Variants in UGT2B17 observed in about 807,000 individuals in gnomAD.
The protein encoded by UGT2B17 is UDP glucuronosyltransferase family 2 member B17, also known as UDP-glucuronosyltransferase 2B17.
In UGT2B17, 21 loss-of-function variants were observed where a neutral mutation model predicts 48.2. That is an observed-to-expected ratio of 0.44 (90% CI 0.31 to 0.63). UGT2B17 has a LOEUF of 0.63. UGT2B17 is among the 20% of genes least tolerant of loss of function. The pLI, the probability that UGT2B17 is intolerant of heterozygous loss-of-function variation, is 0.08. For missense variants in UGT2B17, 402 were observed against 696.1 expected (o/e 0.58, Z 4.75); for synonymous variants, 146 against 238.4 (o/e 0.61, Z 3.57).
chr4:68,548,659 T>C (rs1233667957), intron 6 of UGT2B17, among the ~76,000 whole-genome samples: 3 of 124,840 alleles, frequency 2.4e-5, no homozygotes, highest in Non-Finnish European at 5.1e-5. Context: ...TCCATTTGTT[T>C]GTGTCCTCTC....
chr4:68,537,831 A>C lies in UGT2B17; in HGVS notation c.1387T>G (p.Phe463Val), dbSNP rs1418728898. 2.3e-5 allele frequency: 32 copies of C among 1,379,560 alleles called. 8 individuals carry two copies. The highest frequency in any genetic ancestry group is 3.3e-5 in the South Asian group (2 of 60,024). The allele number at this position is 1,379,560 out of a possible 1,614,324, so 85.5% of individuals were successfully genotyped here. A position where few individuals can be genotyped will look rare whatever the true frequency, so the allele number is the denominator to read the frequency against. The change falls in exon 7 of 7, where the codon TTC becomes GTC. Residue 463 changes from phenylalanine (F) to valine (V), a missense_variant. This residue lies in a region of UGT2B17 where 156 missense variants were observed against 258.6 expected (regional missense o/e 0.60). Transcript: ENST00000317746. ...TGGCGCATGACAAACTCAATCCAGA[A>C]GACTGCTCGATCCAGGGGCTTCACC... ...QPVKPLDRAV[F>V]WIEFVMRHKG...
intron 4 of UGT2B17, among the ~76,000 whole-genome samples, chr4:68,552,386 A>G (rs1730933231): frequency 7.9e-6 from 1 of 125,926 alleles, no homozygotes; most frequent in African/African-American, 2.7e-5. Context: ...CCATGCTTCA[A>G]GTTGCTCTGC....
In UGT2B17 at chr4:68,546,419, A is replaced by C. The variant is rs545889026; in HGVS notation, c.1313+4258T>G. On this transcript the variant is annotated intron_variant, in intron 6 of 6. Coordinates refer to ENST00000317746, the MANE Select transcript of UGT2B17 (RefSeq NM_001077.4). ...CTCAATAAATTAGGTATTGATGGGG[A>C]GTATCTCCAAATAATAAGAGTTATC... 1.6e-4 allele frequency among the ~76,000 whole-genome samples: 20 copies of C among 126,056 alleles called. 10 individuals carry two copies. In the East Asian group the frequency reaches 0.014, roughly 87 times the overall value. 82.7% of individuals were successfully genotyped at this position (126,056 alleles called of 152,430 possible).
chr4:68,550,957 A>G, intron 5 of UGT2B17, 61 bp from the exon 6 acceptor site: 4 of 1,233,206 alleles, frequency 3.2e-6, no homozygotes, highest in Non-Finnish European at 4.3e-6. Context: ...TGAATAAGAA[A>G]TGCACAATAT....
rs199693880 is a variant in UGT2B17 at position 68,564,273 on chromosome 4, CAT to C, written c.873+1297_873+1298del. 7.5e-5 allele frequency among the ~76,000 whole-genome samples: 7 copies of C among 93,396 alleles called. 2 individuals carry two copies. Among genetic ancestry groups the C allele is most frequent in the South Asian group, 5.9e-4 (1 of 1,708 alleles). 61.3% of individuals were successfully genotyped at this position (93,396 alleles called of 152,430 possible). ...TGTCCTTAATGGGTATATCAAATTT[CAT>C]ATATATATATATATATATATTTTTT... On this transcript the variant is annotated intron_variant, in intron 3 of 6. Coordinates refer to ENST00000317746, the MANE Select transcript of UGT2B17 (RefSeq NM_001077.4).
In UGT2B17 at chr4:68,537,792, G is replaced by T. The variant is rs1560573363; in HGVS notation, c.1426C>A (p.His476Asn). The change falls in exon 7 of 7, where the codon CAC becomes AAC. Residue 476 changes from histidine (H) to asparagine (N), a missense_variant. Transcript: ENST00000317746. The part of the protein sequence containing the change: ...EFVMRHKGAK[H>N]LRVAAHNLTW... ...AGGTTGTGGGCTGCGACCCGAAGGT[G>T]CTTGGCTCCTTTATGGCGCATGACA... 2 of 1,379,832 alleles carry T rather than the reference G, an allele frequency of 1.4e-6. 1 individual carries two copies. Among genetic ancestry groups the T allele is most frequent in the Non-Finnish European group, 1.9e-6 (2 of 1,055,142 alleles). The allele number at this position is 1,379,832 out of a possible 1,614,324, so 85.5% of individuals were successfully genotyped here. A position where few individuals can be genotyped will look rare whatever the true frequency, so the allele number is the denominator to read the frequency against.
Position 68,553,968 on chromosome 4 carries a change from G to C in UGT2B17, c.1006-2057C>G, listed in dbSNP as rs962236609. On this transcript the variant is annotated intron_variant, in intron 4 of 6. Transcript: ENST00000317746. ...GGCCTTGTGGGAGTGTCTTGGGTTT[G>C]ACCCCCTATGACATGCAGTGGTCCT... Among the ~76,000 whole-genome samples the C allele has an allele frequency of 1.4e-4, 18 of 124,512 alleles. 4 individuals are homozygous for C. The highest frequency in any genetic ancestry group is 4.1e-4 in the African/African-American group (15 of 36,490). 81.7% of individuals were successfully genotyped at this position (124,512 alleles called of 152,430 possible).
rs1413452406 is a variant in UGT2B17 at position 68,564,290 on chromosome 4, A to ATTTTT, written c.873+1281_873+1282insAAAAA. ...TCAAATTTCATATATATATATATAT[A>ATTTTT]TATATTTTTTTTTTTTGAGACAGAG... On this transcript the variant is annotated intron_variant, in intron 3 of 6. Coordinates refer to ENST00000317746, the MANE Select transcript of UGT2B17 (RefSeq NM_001077.4). Among the ~76,000 whole-genome samples the ATTTTT allele has an allele frequency of 5.3e-3, 476 of 89,578 alleles. 37 individuals are homozygous for ATTTTT. The highest frequency in any genetic ancestry group is 0.025 in the African/African-American group (442 of 17,372). The allele number at this position is 89,578 out of a possible 152,430, so 58.8% of individuals were successfully genotyped here.
chr4:68,554,905 T>C (rs1730975544), intron 4 of UGT2B17, among the ~76,000 whole-genome samples: 1 of 125,668 alleles, frequency 8.0e-6, no homozygotes, highest in African/African-American at 2.7e-5. Context: ...GATGTACTTC[T>C]GTTGGCATGC....
Position 68,550,794 on chromosome 4 carries a change from T to A in UGT2B17, c.1196A>T (p.Asp399Val). The change falls in exon 6 of 7, where the codon GAT becomes GTT. Residue 399 changes from aspartate to valine, a missense_variant. Asp to Val is a radical substitution (Grantham distance 152). Transcript: ENST00000317746. Reference sequence around the variant, plus strand: ...CATGTGAGCAATGTTATCATGTTGATCCGCAAACAAGGGAATGCCCACCAT... The same window carrying A: ...CATGTGAGCAATGTTATCATGTTGAACCGCAAACAAGGGAATGCCCACCAT... ...IPMVGIPLFADQHDNIAHMKA... is the reference protein window; with the variant it reads ...IPMVGIPLFAVQHDNIAHMKA... 7.2e-7 allele frequency: 1 copy of A among 1,387,854 alleles called. No individual in the cohort carries two copies. Among genetic ancestry groups the A allele is most frequent in the Non-Finnish European group, 9.4e-7 (1 of 1,063,068 alleles). 86.0% of individuals were successfully genotyped at this position (1,387,854 alleles called of 1,614,324 possible).
intron 3 of UGT2B17, among the ~76,000 whole-genome samples, chr4:68,561,919 T>G (rs1235839692): frequency 2.4e-5 from 3 of 124,048 alleles, no homozygotes; most frequent in Admixed American, 8.3e-5. Context: ...AAATTCTTTT[T>G]TTCTCAGTAA....
rs141469005 is a variant in UGT2B17, at chr4:68,542,799, G to A, written c.1314-4895C>T. 4.4e-4 allele frequency among the ~76,000 whole-genome samples: 56 copies of A among 127,084 alleles called. 12 individuals carry two copies. Among genetic ancestry groups the A allele is most frequent in the African/African-American group, 6.4e-4 (24 of 37,252 alleles). 83.4% of individuals were successfully genotyped at this position (127,084 alleles called of 152,430 possible). ...ACGGCACACCAGGAGATTATATCGC[G>A]CACCTGGCTCAGAGGGTCCTACGCC... On this transcript the variant is annotated intron_variant, in intron 6 of 6. Coordinates refer to ENST00000317746, the MANE Select transcript of UGT2B17 (RefSeq NM_001077.4).
In UGT2B17 at chr4:68,537,810, G is replaced by T. The variant is rs773713159; in HGVS notation, c.1408C>A (p.Arg470Ser). Residue 470 changes from arginine (R) to serine (S), a missense_variant, in exon 7 of 7, where the codon CGC becomes AGC. Transcript: ENST00000317746. ...CGAAGGTGCTTGGCTCCTTTATGGC[G>T]CATGACAAACTCAATCCAGAAGACT... Reference protein sequence around the residue: ...RAVFWIEFVMRHKGAKHLRVA... With the variant: ...RAVFWIEFVMSHKGAKHLRVA... 7 of 1,379,556 alleles carry T rather than the reference G, an allele frequency of 5.1e-6. 1 individual carries two copies. Among genetic ancestry groups the T allele is most frequent in the Non-Finnish European group, 4.7e-6 (5 of 1,054,978 alleles). The allele number at this position is 1,379,556 out of a possible 1,614,324, so 85.5% of individuals were successfully genotyped here.
At position 68,567,485 on chromosome 4, in the gene UGT2B17, T is replaced by C. The variant is rs2109777184; in HGVS notation, c.724+276A>G. 3.2e-5 allele frequency among the ~76,000 whole-genome samples: 4 copies of C among 126,180 alleles called. No individual in the cohort carries two copies. In the Middle Eastern group the frequency reaches 0.016, roughly 493 times the overall value. The allele number at this position is 126,180 out of a possible 152,430, so 82.8% of individuals were successfully genotyped here. On this transcript the variant is annotated intron_variant, in intron 2 of 6. Coordinates refer to ENST00000317746, the MANE Select transcript of UGT2B17 (RefSeq NM_001077.4). ...ACTTTTTTAAAGATGAAAAAATGTA[T>C]AGCAAAATGATATGTGATGGCTTAA... is the stretch of plus-strand genomic sequence containing the variant.
At position 68,569,507 on chromosome 4, in the gene UGT2B17, A is replaced by T. The variant is rs1398049180; in HGVS notation, c.-64-959T>A. The stretch of plus-strand genomic sequence containing the variant: ...GCAGCTCATTCCTGCCTGGCACCAC[A>T]GTGATCCTTTAGGAGGGTGGCCAGC... On this transcript the variant is annotated intron_variant, in intron 1 of 6. Coordinates refer to ENST00000317746, the MANE Select transcript of UGT2B17 (RefSeq NM_001077.4). Among the ~76,000 whole-genome samples, 2 of 125,592 alleles carry T rather than the reference A, an allele frequency of 1.6e-5. 1 individual carries two copies. The highest frequency in any genetic ancestry group is 3.4e-5 in the Non-Finnish European group (2 of 59,360). 82.4% of individuals were successfully genotyped at this position (125,592 alleles called of 152,430 possible). A position where few individuals can be genotyped will look rare whatever the true frequency, so the allele number is the denominator to read the frequency against.
rs1257103970 is a variant in UGT2B17, at chr4:68,574,081, C to T, written c.-65+1870G>A. Among the ~76,000 whole-genome samples the T allele has an allele frequency of 3.1e-4, 39 of 127,014 alleles. 8 individuals are homozygous for T. Among genetic ancestry groups the T allele is most frequent in the African/African-American group, 9.4e-4 (35 of 37,054 alleles). 83.3% of individuals were successfully genotyped at this position (127,014 alleles called of 152,430 possible). A position where few individuals can be genotyped will look rare whatever the true frequency, so the allele number is the denominator to read the frequency against. ...GCCATGTGCACAAGCATAACAATTG[C>T]TTTTGTTTATTGTGTAGTTGGAATA... On this transcript the variant is annotated intron_variant, in intron 1 of 6. Transcript: ENST00000317746.
rs375328829 is a variant in UGT2B17 at position 68,564,834 on chromosome 4, G to C, written c.873+738C>G. 6.4e-5 allele frequency among the ~76,000 whole-genome samples: 8 copies of C among 125,054 alleles called. 1 individual carries two copies. The highest frequency in any genetic ancestry group is 7.5e-4 in the South Asian group (2 of 2,682). 82.0% of individuals were successfully genotyped at this position (125,054 alleles called of 152,430 possible). Reference sequence around the variant, plus strand: ...CCTGCCTCAGCCTCTTAAGTAGCTGGGACTATGAGACTACAGGCACACACC... The same window carrying C: ...CCTGCCTCAGCCTCTTAAGTAGCTGCGACTATGAGACTACAGGCACACACC... On this transcript the variant is annotated intron_variant, in intron 3 of 6. Transcript: ENST00000317746.
Position 68,557,432 on chromosome 4 carries a change from G to A in UGT2B17, c.1005+3105C>T, listed in dbSNP as rs550919036. On this transcript the variant is annotated intron_variant, in intron 4 of 6. Coordinates refer to ENST00000317746, the MANE Select transcript of UGT2B17 (RefSeq NM_001077.4). ...GAACTAAAATGTTCATGAATATCAA[G>A]CAGAACAGGAATTAACTACATGGAC... 7.0e-4 allele frequency among the ~76,000 whole-genome samples: 87 copies of A among 124,704 alleles called. 20 individuals carry two copies. Among genetic ancestry groups the A allele is most frequent in the African/African-American group, 2.4e-3 (87 of 36,826 alleles). 81.8% of individuals were successfully genotyped at this position (124,704 alleles called of 152,430 possible).
In UGT2B17 at chr4:68,576,281, A is replaced by T. The variant is rs1256659078; in HGVS notation, c.-395T>A. Reference sequence around the variant, plus strand: ...AGTTGTAGAAGGAAGGGCTTTATTCAGCTGGGAACATTGGCAAGATACTGC... The same window carrying T: ...AGTTGTAGAAGGAAGGGCTTTATTCTGCTGGGAACATTGGCAAGATACTGC... On this transcript the variant is annotated 5_prime_UTR_variant, in exon 1 of 7. Transcript: ENST00000317746. Among the ~76,000 whole-genome samples the T allele has an allele frequency of 7.9e-6, 1 of 126,178 alleles. No individual in the cohort carries two copies. The highest frequency in any genetic ancestry group is 1.7e-5 in the Non-Finnish European group (1 of 59,546). The allele number at this position is 126,178 out of a possible 152,430, so 82.8% of individuals were successfully genotyped here. A position where few individuals can be genotyped will look rare whatever the true frequency, so the allele number is the denominator to read the frequency against.
Sources: gnomAD v4.1 joint callset for allele counts (sites outside exome capture counted in the v4.1 genomes callset) on GRCh38, gnomAD v4.1.1 for gene constraint, gnomAD v4.1.1 regional missense constraint, MANE v1.5 for transcripts, NCBI Gene and HGNC (gene_info 2026-07-23, HGNC 2026-07-21) for gene names.